The following DGKI variants were observed in gnomAD, a reference collection of about 807,000 sequenced individuals.
DGKI encodes DAG kinase iota.
A neutral mutation model predicts 147.5 loss-of-function variants in DGKI; 55 were observed. That is an observed-to-expected ratio of 0.37 (90% CI 0.30 to 0.47). DGKI has a LOEUF of 0.47. DGKI is among the 20% of genes least tolerant of loss of function. The pLI is 1.00. For synonymous variants in DGKI, 469 were observed against 477.1 expected (o/e 0.98, Z 0.22); for missense variants, 1,007 against 1,323.8 (o/e 0.76, Z 3.71).
In DGKI at chr7:137,647,196, G is replaced by A. The variant is rs769768611; in HGVS notation, c.739-1659C>T. ...GTAATAATTCTTCTAATCTTCATGA[G>A]AATTTTCATGAGTAGAGATGCCACT... is the stretch of plus-strand genomic sequence containing the variant. On this transcript the variant is annotated intron_variant, in intron 5 of 32. Transcript: ENST00000614521. 4.6e-4 allele frequency among the ~76,000 whole-genome samples: 70 copies of A among 152,222 alleles called. 1 individual carries two copies. The highest frequency in any genetic ancestry group is 2.6e-4 in the Admixed American group (4 of 15,284).
At chr7:137,452,442 C>T (rs908947544) in intron 27 of DGKI, among the ~76,000 whole-genome samples, 11 of 152,182 alleles carry the variant, frequency 7.2e-5, no homozygotes, top group Admixed American at 2.0e-4. Flanking sequence ...AGCTAGACAC[C>T]GTGCTCCTTC....
chr7:137,585,224 T>C lies in DGKI; in HGVS notation c.1548A>G (p.Glu516=), dbSNP rs1819345774. ...ACTCTCTAACCTTACATACGCCATCTTCAAGTTCTTCTGGAGGCAAGTCGG... is the reference window on the plus strand; with the variant it reads ...ACTCTCTAACCTTACATACGCCATCCTCAAGTTCTTCTGGAGGCAAGTCGG... The part of the protein sequence containing the change: ...RNPDLPPEEL[E]DGVCKLPLNV... The change falls in exon 14 of 33, where the codon GAA becomes GAG. Residue 516 remains glutamate (E), a synonymous_variant. Transcript: ENST00000614521. 6.2e-7 allele frequency: 1 copy of C among 1,614,182 alleles called. No homozygotes were observed. The highest frequency in any genetic ancestry group is 2.2e-5 in the East Asian group (1 of 44,886).
chr7:137,606,446 T>C (rs1466815835), intron 10 of DGKI, among the ~76,000 whole-genome samples: 3 of 152,124 alleles, frequency 2.0e-5, no homozygotes, highest in African/African-American at 7.2e-5. Context: ...ACAAAAAGTA[T>C]CTATTTTTCT....
chr7:137,763,243 C>T (rs1795914304), intron 1 of DGKI, among the ~76,000 whole-genome samples: 1 of 152,328 alleles, frequency 6.6e-6, no homozygotes, highest in South Asian at 2.1e-4. Flanking sequence ...GCCATTCAAA[C>T]AAGAATGATG....
At chr7:137,687,590 C>T (rs900159288) in intron 2 of DGKI, among the ~76,000 whole-genome samples, 5 of 152,306 alleles carry the variant, frequency 3.3e-5, no homozygotes, top group African/African-American at 7.2e-5. Flanking sequence ...TTTTAACAAT[C>T]GGCTTTTTCC....
At chr7:137,734,673 G>A (rs1433825470) in intron 1 of DGKI, among the ~76,000 whole-genome samples, 1 of 151,922 alleles carries the variant, frequency 6.6e-6, no homozygotes, top group East Asian at 1.9e-4. Context: ...GAAACCTTGA[G>A]CCAGAGACCC....
chr7:137,618,151 A>ATACATT, intron 8 of DGKI, among the ~76,000 whole-genome samples: 1 of 10,450 alleles, frequency 9.6e-5, no homozygotes, highest in African/African-American at 1.3e-4. Flanking sequence ...ATATATATAT[A>ATACATT]TTTTTTTTTT....
At chr7:137,398,539 GCT>G (rs1209199649) in intron 30 of DGKI, among the ~76,000 whole-genome samples, 1 of 152,078 alleles carries the variant, frequency 6.6e-6, no homozygotes, top group Non-Finnish European at 1.5e-5. Context: ...CTGGGAATTT[GCT>G]CTCTTTATTG....
At chr7:137,751,881 G>C (rs1442561022) in intron 1 of DGKI, among the ~76,000 whole-genome samples, 1 of 151,988 alleles carries the variant, frequency 6.6e-6, no homozygotes, top group Admixed American at 6.6e-5. Context: ...GAACCAAAAA[G>C]CAAGCATAAG....
chr7:137,806,286 C>A (rs1390557800), intron 1 of DGKI, among the ~76,000 whole-genome samples: 1 of 152,192 alleles, frequency 6.6e-6, no homozygotes, highest in Non-Finnish European at 1.5e-5. Context: ...AATGAAGAAA[C>A]TGAGAGAGGT....
intron 1 of DGKI, among the ~76,000 whole-genome samples, chr7:137,825,672 TCACA>T (rs1171484662): frequency 6.7e-6 from 1 of 148,676 alleles, no homozygotes; most frequent in Non-Finnish European, 1.5e-5. Flanking sequence ...ATACACACAC[TCACA>T]CACACACATA....
intron 21 of DGKI, among the ~76,000 whole-genome samples, chr7:137,498,494 T>C (rs901670967): frequency 1.3e-5 from 2 of 152,046 alleles, no homozygotes; most frequent in Non-Finnish European, 2.9e-5. Flanking sequence ...TGTTTTGAAA[T>C]TGAAGAGTAC....
intron 11 of DGKI, among the ~76,000 whole-genome samples, chr7:137,598,607 T>A (rs1819880143): frequency 6.6e-6 from 1 of 152,204 alleles, no homozygotes; most frequent in Non-Finnish European, 1.5e-5. Flanking sequence ...GCATTGACAC[T>A]GCCCCTGCTA....
At chr7:137,552,130 TGAA>T (rs1416845400) in intron 20 of DGKI, among the ~76,000 whole-genome samples, 1 of 152,146 alleles carries the variant, frequency 6.6e-6, no homozygotes, top group African/African-American at 2.4e-5. Context: ...AAGTGGTCAG[TGAA>T]GAAGAATCAT....
chr7:137,403,823 C>T (rs965251429), intron 30 of DGKI, among the ~76,000 whole-genome samples: 7 of 151,988 alleles, frequency 4.6e-5, no homozygotes, highest in Non-Finnish European at 8.8e-5. Context: ...TCTTGATCTT[C>T]GGCATAGTGT....
At chr7:137,404,329 C>T (rs979757185) in intron 30 of DGKI, among the ~76,000 whole-genome samples, 13 of 152,124 alleles carry the variant, frequency 8.5e-5, no homozygotes, top group Admixed American at 8.5e-4. Flanking sequence ...ATTTTACATC[C>T]GTATTTCTGA....
chr7:137,651,791 G>A (rs936039909), intron 5 of DGKI, among the ~76,000 whole-genome samples: 1 of 152,170 alleles, frequency 6.6e-6, no homozygotes, highest in Non-Finnish European at 1.5e-5. Context: ...TTAGGAAAGG[G>A]TGATGTGAGA....
intron 30 of DGKI, 135 bp downstream of exon 30, chr7:137,407,740 G>C: frequency 4.4e-6 from 5 of 1,141,216 alleles, no homozygotes; most frequent in Non-Finnish European, 5.1e-6. Context: ...AATAAGCAGG[G>C]GCAGAGTCTG....
chr7:137,505,369 A>G (rs905403480), intron 21 of DGKI, among the ~76,000 whole-genome samples: 9 of 152,104 alleles, frequency 5.9e-5, no homozygotes, highest in Admixed American at 3.3e-4. Context: ...CAATAATCAG[A>G]TCTGAGCAAT....
Sources: gnomAD v4.1 joint callset for allele counts (sites outside exome capture counted in the v4.1 genomes callset) on GRCh38, gnomAD v4.1.1 for gene constraint, MANE v1.5 for transcripts, NCBI Gene and HGNC (gene_info 2026-07-23, HGNC 2026-07-21) for gene names.